The following CSMD1 variants were observed in gnomAD, a reference collection of about 807,000 sequenced individuals.
CSMD1 encodes CUB and Sushi multiple domains 1.
CSMD1 carries 213 observed loss-of-function variants against 417.5 expected under a neutral mutation model. The observed-to-expected ratio is 0.51, with a 90% CI of 0.46 to 0.57. The LOEUF is 0.57. Ranked by LOEUF, CSMD1 falls within the 20% of genes least tolerant of loss-of-function variation. The probability of loss-of-function intolerance (pLI) is 0.00; values close to 1 mark genes in which losing one functional copy is unlikely to be tolerated. For synonymous variants in CSMD1, 2,862 were observed against 1,736.8 expected, an observed-to-expected ratio of 1.65 and a Z score of -16.11; for missense variants, 6,923 against 4,529.7, an observed-to-expected ratio of 1.53 and a Z score of -15.17.
At chr8:4,131,527 T>C (rs767087758) in intron 3 of CSMD1, among the ~76,000 whole-genome samples, 18 of 152,170 alleles carry the variant, frequency 1.2e-4, no homozygotes, top group Non-Finnish European at 2.1e-4. Context: ...ATGTTTAATA[T>C]CAACGCATTT....
At chr8:4,725,093 T>C (rs2116927685) in intron 1 of CSMD1, among the ~76,000 whole-genome samples, 1 of 152,302 alleles carries the variant, frequency 6.6e-6, no homozygotes, top group African/African-American at 2.4e-5. Flanking sequence ...ATCCGAACTT[T>C]TCAAATTAAA....
chr8:4,309,658 T>C lies in CSMD1; in HGVS notation c.415+110295A>G, dbSNP rs143582691. 4.3e-3 allele frequency among the ~76,000 whole-genome samples: 653 copies of C among 152,264 alleles called. 5 individuals are homozygous for C. Among genetic ancestry groups the C allele is most frequent in the African/African-American group, 0.015 (618 of 41,566 alleles). Reference sequence around the variant, plus strand: ...GCATACTGCTACTGAAATTAGACCGTATTTGAGCATATCACCTTACACATT... The same window carrying C: ...GCATACTGCTACTGAAATTAGACCGCATTTGAGCATATCACCTTACACATT... On this transcript the variant is annotated intron_variant, in intron 3 of 69. Coordinates refer to ENST00000635120, the MANE Select transcript of CSMD1 (RefSeq NM_033225.6).
intron 2 of CSMD1, among the ~76,000 whole-genome samples, chr8:4,429,483 T>A (rs868753310): frequency 2.0e-5 from 3 of 150,458 alleles, no homozygotes; most frequent in Admixed American, 6.7e-5. Flanking sequence ...TCCTGTCAAT[T>A]GGGAAACAGA....
intron 3 of CSMD1, among the ~76,000 whole-genome samples, chr8:4,384,903 G>A (rs780543405): frequency 4.1e-4 from 63 of 152,156 alleles, no homozygotes; most frequent in Non-Finnish European, 7.3e-4. Context: ...TCAACAGAGT[G>A]GCTGGATGGC....
chr8:3,564,527 G>GTGTT, intron 10 of CSMD1, among the ~76,000 whole-genome samples: 1 of 151,236 alleles, frequency 6.6e-6, no homozygotes, highest in Non-Finnish European at 1.5e-5. Context: ...TTGTGTGTGT[G>GTGTT]TGTGTGTGTG....
intron 1 of CSMD1, among the ~76,000 whole-genome samples, chr8:4,807,381 A>G (rs113283571): frequency 6.6e-6 from 1 of 152,154 alleles, no homozygotes; most frequent in Non-Finnish European, 1.5e-5. Context: ...AGCTTCCCTC[A>G]CTGCCGGGTG....
In CSMD1 at chr8:4,637,309, T is replaced by C. The variant is rs769315387; in HGVS notation, c.302+33A>G. 2.7e-6 allele frequency: 4 copies of C among 1,480,632 alleles called. No individual in the cohort carries two copies. In the African/African-American group the frequency reaches 4.2e-5, roughly 15 times the overall value. 91.7% of individuals were successfully genotyped at this position (1,480,632 alleles called of 1,614,324 possible). A position where few individuals can be genotyped will look rare whatever the true frequency, so the allele number is the denominator to read the frequency against. ...TTTCATAATCTGTGTATTCAAACAG[T>C]GCTAACTGTAATATAAAAAGTTGAT... On this transcript the variant is annotated intron_variant, in intron 2 of 69. Transcript: ENST00000635120.
chr8:4,564,316 T>C (rs1440611822), intron 2 of CSMD1, among the ~76,000 whole-genome samples: 2 of 152,238 alleles, frequency 1.3e-5, no homozygotes, highest in Non-Finnish European at 2.9e-5. Context: ...GATAACATTT[T>C]ATATATTTTA....
In CSMD1 at chr8:2,997,994, C is replaced by G; in HGVS notation, c.8377+17G>C. On this transcript the variant is annotated intron_variant, in intron 54 of 69. Transcript: ENST00000635120. ...CACTCTCAGAGCAAAGGGCTCATTC[C>G]TGGATGCTGTTCCTACCTCGACACG... 4 of 1,609,936 alleles carry G rather than the reference C, an allele frequency of 2.5e-6. No homozygotes were observed. The highest frequency in any genetic ancestry group is 3.4e-6 in the Non-Finnish European group (4 of 1,177,796).
chr8:3,506,188 C>T lies in CSMD1; in HGVS notation c.1345-12462G>A, dbSNP rs139520577. ...TGAAACTCAAGGACTCTGAACACCC[C>T]CAGCCCCAGGACGAGCTGTCAGGGA... On this transcript the variant is annotated intron_variant, in intron 10 of 69. Coordinates refer to ENST00000635120, the MANE Select transcript of CSMD1 (RefSeq NM_033225.6). Among the ~76,000 whole-genome samples, 862 of 152,152 alleles carry T rather than the reference C, an allele frequency of 5.7e-3. 10 individuals carry two copies. The highest frequency in any genetic ancestry group is 0.02 in the African/African-American group (816 of 41,502).
At chr8:4,571,775 C>T (rs2927552) in intron 2 of CSMD1, among the ~76,000 whole-genome samples, 7 of 151,930 alleles carry the variant, frequency 4.6e-5, no homozygotes, top group South Asian at 2.1e-4. Context: ...TCTCTTTGTA[C>T]GTCTCTAAGA....
intron 26 of CSMD1, among the ~76,000 whole-genome samples, chr8:3,245,130 C>G (rs1292523743): frequency 6.6e-6 from 1 of 152,180 alleles, no homozygotes; most frequent in Non-Finnish European, 1.5e-5. Context: ...TGCATTAATG[C>G]ATTAATTGAG....
chr8:4,518,680 C>CGTG (rs765722404), intron 2 of CSMD1, among the ~76,000 whole-genome samples: 26 of 150,974 alleles, frequency 1.7e-4, no homozygotes, highest in Non-Finnish European at 2.7e-4. Flanking sequence ...GACGAGTTAA[C>CGTG]GGTGCAGCAC....
chr8:4,116,127 G>C (rs1370908758), intron 3 of CSMD1, among the ~76,000 whole-genome samples: 1 of 151,666 alleles, frequency 6.6e-6, no homozygotes, highest in East Asian at 1.9e-4. Context: ...CAAGTAGCTG[G>C]GATTTACAGG....
At chr8:4,052,645 G>C (rs902328729) in intron 3 of CSMD1, among the ~76,000 whole-genome samples, 1 of 152,058 alleles carries the variant, frequency 6.6e-6, no homozygotes, top group Non-Finnish European at 1.5e-5. Context: ...ATCTCCTTTG[G>C]AAAAGAATTC....
chr8:3,736,260 T>A (rs1210446275), intron 6 of CSMD1, among the ~76,000 whole-genome samples: 1 of 152,102 alleles, frequency 6.6e-6, no homozygotes, highest in African/African-American at 2.4e-5. Flanking sequence ...TGTTTTGTTT[T>A]TGACAGGGTC....
chr8:3,346,681 G>A (rs1179550600), intron 22 of CSMD1, among the ~76,000 whole-genome samples: 1 of 152,214 alleles, frequency 6.6e-6, no homozygotes, highest in Non-Finnish European at 1.5e-5. Context: ...GTCAAGTGGA[G>A]CCCGGCGGGG....
intron 50 of CSMD1, among the ~76,000 whole-genome samples, chr8:3,032,396 G>A (rs1423749280): frequency 6.6e-6 from 1 of 151,908 alleles, no homozygotes; most frequent in Non-Finnish European, 1.5e-5. Flanking sequence ...GTGTCTCCAT[G>A]CACCCCTGCG....
At chr8:3,117,958 C>T (rs549015159) in intron 42 of CSMD1, among the ~76,000 whole-genome samples, 2 of 152,130 alleles carry the variant, frequency 1.3e-5, no homozygotes, top group Non-Finnish European at 2.9e-5. Context: ...TTCTGAAATG[C>T]AAAATCAATA....
Sources: gnomAD v4.1 joint callset for allele counts (sites outside exome capture counted in the v4.1 genomes callset) on GRCh38, gnomAD v4.1.1 for gene constraint, MANE v1.5 for transcripts, NCBI Gene and HGNC (gene_info 2026-07-23, HGNC 2026-07-21) for gene names.